LINGO2: variants seen among roughly 807,000 people sequenced by gnomAD.
LINGO2 encodes leucine rich repeat and Ig domain containing 2, also known as leucine-rich repeat and immunoglobulin-like domain-containing nogo receptor-interacting protein 2.
LINGO2 carries 14 observed loss-of-function variants against 30.6 expected under a neutral mutation model. That is an observed-to-expected ratio of 0.46 (90% CI 0.30 to 0.72). The LOEUF (loss-of-function observed/expected upper bound fraction) is 0.72, where lower values mean the gene tolerates loss of function less well. LINGO2 is among the 30% of genes least tolerant of loss of function. The pLI, the probability that LINGO2 is intolerant of heterozygous loss-of-function variation, is 0.07. For missense variants in LINGO2, 729 were observed against 751.7 expected (o/e 0.97, Z 0.35); for synonymous variants, 317 against 288.5 (o/e 1.10, Z -1.00).
At chr9:28,244,654 A>G (rs547192277) in intron 4 of LINGO2, among the ~76,000 whole-genome samples, 6 of 152,314 alleles carry the variant, frequency 3.9e-5, no homozygotes, top group African/African-American at 1.2e-4. Flanking sequence ...ACAAACTACC[A>G]TCAGAGAATA....
At chr9:29,027,114 T>C in the LINGO2 span, among the ~76,000 whole-genome samples, 2 of 151,910 alleles carry the variant, frequency 1.3e-5, no homozygotes, top group Non-Finnish European at 2.9e-5. Flanking sequence ...ATATAGAAAA[T>C]GGGTAAAAAA....
intron 2 of LINGO2, among the ~76,000 whole-genome samples, chr9:28,436,864 T>C (rs1823965291): frequency 6.6e-6 from 1 of 152,098 alleles, no homozygotes; most frequent in Non-Finnish European, 1.5e-5. Context: ...CAAGGCCTGA[T>C]AGGGCAAGGG....
chr9:28,170,392 G>A (rs1022036219), intron 4 of LINGO2, among the ~76,000 whole-genome samples: 3 of 152,156 alleles, frequency 2.0e-5, no homozygotes. Context: ...TATCCACTGA[G>A]GCTATTTCAG....
At chr9:28,066,970 C>T (rs1396335607) in intron 4 of LINGO2, among the ~76,000 whole-genome samples, 1 of 152,028 alleles carries the variant, frequency 6.6e-6, no homozygotes, top group Non-Finnish European at 1.5e-5. Context: ...TAAAATTCTA[C>T]ACCTCCTCAC....
chr9:29,143,690 T>A, the LINGO2 span, among the ~76,000 whole-genome samples: 1 of 152,174 alleles, frequency 6.6e-6, no homozygotes, highest in Non-Finnish European at 1.5e-5. Context: ...GATGGATAGA[T>A]TGCAAAAACT....
chr9:28,744,609 C>CTTGTGT, the LINGO2 span, among the ~76,000 whole-genome samples: 13 of 133,976 alleles, frequency 9.7e-5, no homozygotes, highest in African/African-American at 3.7e-4. Flanking sequence ...ATATTCCCCT[C>CTTGTGT]GTGTGTGTGT....
At chr9:28,008,545 A>C (rs117257762) in intron 5 of LINGO2, among the ~76,000 whole-genome samples, 1 of 149,792 alleles carries the variant, frequency 6.7e-6, no homozygotes, top group South Asian at 2.1e-4. Context: ...TTTGTTGATG[A>C]CATCTAAAAT....
chr9:28,275,069 T>G (rs960875738), intron 4 of LINGO2, among the ~76,000 whole-genome samples: 7 of 151,866 alleles, frequency 4.6e-5, no homozygotes, highest in Non-Finnish European at 8.8e-5. Context: ...AAAGTCCATT[T>G]TTGTTTTGTT....
At chr9:27,959,714 C>A (rs1165691905) in intron 5 of LINGO2, among the ~76,000 whole-genome samples, 1 of 152,132 alleles carries the variant, frequency 6.6e-6, no homozygotes, top group Non-Finnish European at 1.5e-5. Context: ...TGCTGCCAGG[C>A]CATGTGCACT....
chr9:28,006,725 G>A (rs1822285924), intron 5 of LINGO2, among the ~76,000 whole-genome samples: 1 of 152,110 alleles, frequency 6.6e-6, no homozygotes, highest in South Asian at 2.1e-4. Flanking sequence ...CTCACTACAT[G>A]TTCTTTCTTA....
At chr9:28,406,030 CT>C in intron 2 of LINGO2, among the ~76,000 whole-genome samples, 1 of 152,300 alleles carries the variant, frequency 6.6e-6, no homozygotes, top group Middle Eastern at 3.4e-3. Flanking sequence ...CCTTCCTGCA[CT>C]ACCAATGCAT....
At chr9:28,084,836 T>G (rs1825865844) in intron 4 of LINGO2, among the ~76,000 whole-genome samples, 1 of 152,136 alleles carries the variant, frequency 6.6e-6, no homozygotes, top group African/African-American at 2.4e-5. Context: ...TATAAATAAT[T>G]TTCCTGGGAA....
intron 4 of LINGO2, among the ~76,000 whole-genome samples, chr9:28,254,455 G>C (rs1039655682): frequency 3.3e-5 from 5 of 151,948 alleles, no homozygotes; most frequent in African/African-American, 1.2e-4. Flanking sequence ...TAGGGCACTT[G>C]ATTTATCTTC....
intron 5 of LINGO2, among the ~76,000 whole-genome samples, chr9:27,993,068 G>T (rs1290439333): frequency 6.6e-6 from 1 of 152,064 alleles, no homozygotes; most frequent in Non-Finnish European, 1.5e-5. Flanking sequence ...CTTGACGATG[G>T]TTAATGCAAA....
intron 2 of LINGO2, among the ~76,000 whole-genome samples, chr9:28,463,133 G>T (rs1247349064): frequency 1.3e-5 from 2 of 151,704 alleles, no homozygotes; most frequent in Admixed American, 1.3e-4. Context: ...CTTGGTTTGG[G>T]CAACAAATTT....
Position 28,669,783 on chromosome 9 carries a change from A to G in LINGO2, c.-365+417T>C, listed in dbSNP as rs116465493. The stretch of plus-strand genomic sequence containing the variant: ...CTCCTATATAAATTTAAATTTATAT[A>G]CCTCTTAAATCATGACTTTTATTGT... On this transcript the variant is annotated intron_variant, in intron 1 of 5. Transcript: ENST00000379992. Among the ~76,000 whole-genome samples, 786 of 152,188 alleles carry G rather than the reference A, an allele frequency of 5.2e-3. 10 individuals are homozygous for G. Among genetic ancestry groups the G allele is most frequent in the African/African-American group, 0.018 (763 of 41,568 alleles).
chr9:27,948,914 G>A (rs1336413798), exon 6 of LINGO2: 1 of 1,613,826 alleles, frequency 6.2e-7, no homozygotes, highest in Non-Finnish European at 8.5e-7. Context: ...CAGCACCATT[G>A]TTTTTTCTGG....
At chr9:28,706,305 T>C in the LINGO2 span, among the ~76,000 whole-genome samples, 1 of 152,110 alleles carries the variant, frequency 6.6e-6, no homozygotes, top group South Asian at 2.1e-4. Flanking sequence ...AACAAAGGCA[T>C]TGGAATAGTA....
chr9:28,387,295 C>T (rs1459917912), intron 2 of LINGO2, among the ~76,000 whole-genome samples: 1 of 152,080 alleles, frequency 6.6e-6, no homozygotes, highest in Non-Finnish European at 1.5e-5. Flanking sequence ...GTTTTAAATG[C>T]ACCAATCAGC....
Sources: gnomAD v4.1 joint callset for allele counts (sites outside exome capture counted in the v4.1 genomes callset) on GRCh38, gnomAD v4.1.1 for gene constraint, MANE v1.5 for transcripts, NCBI Gene and HGNC (gene_info 2026-07-23, HGNC 2026-07-21) for gene names.